PLCB1: variants seen among roughly 807,000 people sequenced by gnomAD.
PLCB1 encodes phospholipase C beta 1, also known as 1-phosphatidylinositol 4,5-bisphosphate phosphodiesterase beta-1.
Under a neutral mutation model 161.8 loss-of-function variants are expected in PLCB1, and 46 were observed. That is an observed-to-expected ratio of 0.28 (90% CI 0.22 to 0.36). PLCB1 has a LOEUF of 0.36. Ranked by LOEUF, PLCB1 falls within the 10% of genes least tolerant of loss-of-function variation. PLCB1 has a pLI of 1.00. For missense variants in PLCB1, 1,016 were observed against 1,472.5 expected (o/e 0.69, Z 5.07); for synonymous variants, 517 against 503.7 (o/e 1.03, Z -0.35).
chr20:8,750,353 C>G (rs1482534612), intron 23 of PLCB1, among the ~76,000 whole-genome samples: 1 of 152,118 alleles, frequency 6.6e-6, no homozygotes, highest in Non-Finnish European at 1.5e-5. Context: ...CTGTCTCTTG[C>G]TTCTAACTCA....
At chr20:8,206,752 A>G (rs1165894457) in intron 2 of PLCB1, among the ~76,000 whole-genome samples, 1 of 152,058 alleles carries the variant, frequency 6.6e-6, no homozygotes, top group East Asian at 1.9e-4. Context: ...ATGCACAAAG[A>G]TAGTCATTAT....
intron 2 of PLCB1, among the ~76,000 whole-genome samples, chr20:8,161,939 A>G (rs973797784): frequency 1.3e-5 from 2 of 152,088 alleles, no homozygotes; most frequent in African/African-American, 4.8e-5. Context: ...CCTACTTTCT[A>G]CTCAGAAGTA....
At chr20:8,367,972 C>A (rs527604200) in intron 2 of PLCB1, among the ~76,000 whole-genome samples, 4 of 152,316 alleles carry the variant, frequency 2.6e-5, no homozygotes, top group Non-Finnish European at 4.4e-5. Context: ...CCACCCAGGT[C>A]TTCCCCACGC....
rs773333771 is a variant in PLCB1, at chr20:8,790,211, G to T, written c.3373G>T (p.Val1125Leu). The change falls in exon 31 of 32, where the codon GTA becomes TTA. Residue 1125 changes from valine to leucine, a missense_variant. Val to Leu is a conservative substitution (Grantham distance 32). This residue lies in a region of PLCB1 where 398 missense variants were observed against 445.4 expected (regional missense o/e 0.89). Coordinates refer to ENST00000338037, the MANE Select transcript of PLCB1 (RefSeq NM_015192.4). ...EAQSKRQEKL[V>L]EKHKEIRQQI... is the part of the protein sequence containing the mutation. ...GCAAAGTAAACGGCAAGAAAAACTC[G>T]TAGAGAAACACAAGGAAATACGTCA... 3.1e-6 allele frequency: 5 copies of T among 1,611,856 alleles called. No individual in the cohort carries two copies. Among genetic ancestry groups the T allele is most frequent in the Non-Finnish European group, 3.4e-6 (4 of 1,178,648 alleles).
chr20:8,281,137 C>G (rs778676737), intron 2 of PLCB1, among the ~76,000 whole-genome samples: 2 of 152,076 alleles, frequency 1.3e-5, no homozygotes, highest in East Asian at 3.8e-4. Flanking sequence ...TTGGAATAAA[C>G]AACATTAGCA....
chr20:8,360,429 A>G (rs891077527), intron 2 of PLCB1, among the ~76,000 whole-genome samples: 4 of 152,266 alleles, frequency 2.6e-5, no homozygotes, highest in South Asian at 4.1e-4. Context: ...ATGGCTCTAC[A>G]TTGATTTTTT....
intron 2 of PLCB1, among the ~76,000 whole-genome samples, chr20:8,170,419 G>A (rs2051721848): frequency 1.3e-5 from 2 of 152,060 alleles, no homozygotes; most frequent in Non-Finnish European, 2.9e-5. Flanking sequence ...CATTCAAAAT[G>A]TAAGTGGGAG....
chr20:8,298,400 G>T (rs1274798140), intron 2 of PLCB1, among the ~76,000 whole-genome samples: 1 of 151,776 alleles, frequency 6.6e-6, no homozygotes, highest in Admixed American at 6.6e-5. Flanking sequence ...ATCCTTTAAA[G>T]AGTGCTTGTG....
chr20:8,822,623 T>G (rs1022284710), intron 31 of PLCB1, among the ~76,000 whole-genome samples: 1 of 152,178 alleles, frequency 6.6e-6, no homozygotes, highest in African/African-American at 2.4e-5. Context: ...TGCCAGAGTT[T>G]CCACGAGAAA....
intron 2 of PLCB1, among the ~76,000 whole-genome samples, chr20:8,159,685 G>T (rs1054044117): frequency 7.9e-5 from 12 of 152,008 alleles, no homozygotes; most frequent in Admixed American, 6.6e-5. Flanking sequence ...ATGCTTTGCT[G>T]GTTAGAAATT....
intron 2 of PLCB1, among the ~76,000 whole-genome samples, chr20:8,243,396 A>G (rs1980716175): frequency 6.6e-6 from 1 of 152,028 alleles, no homozygotes; most frequent in Non-Finnish European, 1.5e-5. Flanking sequence ...TCTGTAATGC[A>G]GGCAACATAG....
intron 27 of PLCB1, 69 bp from the exon 28 acceptor site, chr20:8,788,380 T>C: frequency 7.2e-7 from 1 of 1,389,786 alleles, no homozygotes; most frequent in Non-Finnish European, 1.0e-6. Flanking sequence ...TTCTGTTGTT[T>C]GAGGGAGGTG....
chr20:8,779,209 C>T lies in PLCB1; in HGVS notation c.3111+4490C>T, dbSNP rs189244781. On this transcript the variant is annotated intron_variant, in intron 27 of 31. Transcript: ENST00000338037. ...GAGTTAAGAAAGAAAGCATGGCATC[C>T]GTAAACTTCCTGTCAGATGTTTACT... is the stretch of plus-strand genomic sequence containing the variant. Among the ~76,000 whole-genome samples, 90 of 152,098 alleles carry T rather than the reference C, an allele frequency of 5.9e-4. No individual in the cohort carries two copies. The East Asian group carries it at 0.014, about 24-fold the overall frequency.
chr20:8,732,533 G>A (rs1214533974), intron 18 of PLCB1, among the ~76,000 whole-genome samples: 1 of 146,468 alleles, frequency 6.8e-6, no homozygotes, highest in Non-Finnish European at 1.5e-5. Flanking sequence ...CTAATATATT[G>A]TATTAGATAT....
chr20:8,677,310 A>G (rs1385586519), intron 9 of PLCB1, among the ~76,000 whole-genome samples: 1 of 152,076 alleles, frequency 6.6e-6, no homozygotes, highest in Non-Finnish European at 1.5e-5. Context: ...AGGCAGGAGG[A>G]TCGCTTGATC....
chr20:8,691,851 A>G (rs1990486940), intron 10 of PLCB1, among the ~76,000 whole-genome samples: 1 of 152,010 alleles, frequency 6.6e-6, no homozygotes, highest in Admixed American at 6.6e-5. Context: ...CACTTTTTGG[A>G]TTTGGGGTGA....
chr20:8,683,659 A>G (rs1222310992), intron 9 of PLCB1, among the ~76,000 whole-genome samples: 1 of 152,164 alleles, frequency 6.6e-6, no homozygotes, highest in Non-Finnish European at 1.5e-5. Context: ...TTTTGTCAAT[A>G]TTTAGTATTA....
chr20:8,479,814 T>C (rs1982424947), intron 3 of PLCB1, among the ~76,000 whole-genome samples: 1 of 152,184 alleles, frequency 6.6e-6, no homozygotes, highest in Non-Finnish European at 1.5e-5. Flanking sequence ...AAAATATCTT[T>C]TAGGTAGTTG....
rs575980028 is a variant in PLCB1 at position 8,495,652 on chromosome 20, C to T, written c.246+124202C>T. Among the ~76,000 whole-genome samples, 237 of 100,164 alleles carry T rather than the reference C, an allele frequency of 2.4e-3. 1 individual carries two copies. Among genetic ancestry groups the T allele is most frequent in the African/African-American group, 8.4e-3 (223 of 26,412 alleles). The allele number at this position is 100,164 out of a possible 152,430, so 65.7% of individuals were successfully genotyped here. On this transcript the variant is annotated intron_variant, in intron 3 of 31. Transcript: ENST00000338037. The stretch of plus-strand genomic sequence containing the variant: ...GACCTCGTGATCCGCCTGCCTTGGC[C>T]TTCCGAAGTGCTGGGATTACAGGCG...
Sources: allele counts gnomAD v4.1 joint callset (sites outside exome capture counted in the v4.1 genomes callset), GRCh38; gene constraint gnomAD v4.1.1; regional missense constraint gnomAD v4.1.1; transcripts MANE v1.5; gene names NCBI Gene and HGNC (gene_info 2026-07-23, HGNC 2026-07-21).